PAX2: variants seen among roughly 807,000 people sequenced by gnomAD.
PAX2 encodes paired box protein Pax-2.
Under a neutral mutation model 41.7 loss-of-function variants are expected in PAX2, and 9 were observed. That is an observed-to-expected ratio of 0.22 (90% CI 0.13 to 0.38). The LOEUF is 0.38. Among genes scored for constraint, PAX2 ranks in the 10% least tolerant of loss-of-function variants. The probability of loss-of-function intolerance (pLI) is 1.00; values close to 1 mark genes in which losing one functional copy is unlikely to be tolerated. For synonymous variants in PAX2, 221 were observed against 212.7 expected, an observed-to-expected ratio of 1.04 and a Z score of -0.34; for missense variants, 418 against 531.6, an observed-to-expected ratio of 0.79 and a Z score of 2.10.
intron 5 of PAX2, among the ~76,000 whole-genome samples, chr10:100,785,679 C>A (rs978070557): frequency 2.6e-5 from 4 of 152,260 alleles, no homozygotes; most frequent in South Asian, 4.2e-4. Flanking sequence ...GGGATTAAGC[C>A]GTGGAAATGA....
Position 100,806,451 on chromosome 10 carries a change from C to T in PAX2, c.638C>T (p.Pro213Leu), listed in dbSNP as rs773878788. 2 of 1,614,124 alleles carry T rather than the reference C, an allele frequency of 1.2e-6. No individual in the cohort carries two copies. The highest frequency in any genetic ancestry group is 1.1e-5 in the South Asian group (1 of 91,092). Reference protein sequence around the residue: ...RDEDVSEGSVPNGDSQSGVDS... With the variant: ...RDEDVSEGSVLNGDSQSGVDS... Reference sequence around the variant, plus strand: ...CCAGATGTGTCTGAGGGCTCAGTCCCCAATGGAGATTCCCAGAGTGGTGTG... The same window carrying T: ...CCAGATGTGTCTGAGGGCTCAGTCCTCAATGGAGATTCCCAGAGTGGTGTG... The change falls in exon 6 of 10, where the codon CCC becomes CTC. Residue 213 changes from proline to leucine, a missense_variant. This residue lies in a region of PAX2 where 310 missense variants were observed against 325.2 expected (regional missense o/e 0.95). Transcript: ENST00000355243.
chr10:100,764,691 T>C (rs1325430975), intron 3 of PAX2, among the ~76,000 whole-genome samples: 2 of 152,172 alleles, frequency 1.3e-5, no homozygotes, highest in Non-Finnish European at 2.9e-5. Flanking sequence ...TGTGTGTGTG[T>C]GTGTGTGTAC....
intron 5 of PAX2, among the ~76,000 whole-genome samples, chr10:100,798,278 G>A (rs541002803): frequency 3.0e-4 from 45 of 151,868 alleles, no homozygotes; most frequent in African/African-American, 1.0e-3. Context: ...ACCACACCCA[G>A]CTAATTTTTA....
intron 5 of PAX2, among the ~76,000 whole-genome samples, chr10:100,804,573 C>T (rs963454151): frequency 6.6e-6 from 1 of 152,142 alleles, no homozygotes; most frequent in Admixed American, 6.5e-5. Context: ...GATGATGGCA[C>T]ATCCTGAAAA....
chr10:100,757,697 T>C (rs1317892031), intron 3 of PAX2, among the ~76,000 whole-genome samples: 1 of 152,196 alleles, frequency 6.6e-6, no homozygotes, highest in Non-Finnish European at 1.5e-5. Context: ...TGCAAGTCTT[T>C]CCTCAATCAT....
chr10:100,825,084 C>G (rs1848504101), intron 8 of PAX2: 1 of 947,568 alleles, frequency 1.1e-6, no homozygotes, highest in Non-Finnish European at 1.7e-6. Flanking sequence ...CCCCAGCCAG[C>G]TGACACTGCT....
upstream of PAX2, among the ~76,000 whole-genome samples, chr10:100,740,772 C>T (rs1026178880): frequency 1.7e-5 from 1 of 57,534 alleles, no homozygotes; most frequent in Non-Finnish European, 3.7e-5. Context: ...GTGAGTGGCC[C>T]CTTTAGGAGG....
chr10:100,789,728 C>T (rs1291830432), intron 5 of PAX2, among the ~76,000 whole-genome samples: 6 of 152,240 alleles, frequency 3.9e-5, no homozygotes, highest in Admixed American at 1.3e-4. Context: ...TATGAACACA[C>T]ATTCATTGCT....
chr10:100,781,909 C>T (rs1174836195), intron 5 of PAX2, among the ~76,000 whole-genome samples: 1 of 152,188 alleles, frequency 6.6e-6, no homozygotes, highest in Non-Finnish European at 1.5e-5. Flanking sequence ...GGCCCTCTCC[C>T]TCACCTCCCT....
upstream of PAX2, among the ~76,000 whole-genome samples, chr10:100,743,396 G>T (rs1163188952): frequency 6.6e-6 from 1 of 151,236 alleles, no homozygotes; most frequent in Non-Finnish European, 1.5e-5. Context: ...ATGTCTAGCT[G>T]GTTCTAGAAA....
intron 3 of PAX2, among the ~76,000 whole-genome samples, chr10:100,764,680 C>T (rs770394940): frequency 4.0e-5 from 6 of 150,238 alleles, no homozygotes; most frequent in Non-Finnish European, 3.0e-5. Context: ...GACCTTGTGG[C>T]TGTGTGTGTG....
At chr10:100,742,843 CTTTTTTTTTTTTTTTTTTTTTTTTTT>C (rs61627823), upstream of PAX2, among the ~76,000 whole-genome samples, 5 of 41,206 alleles carry the variant, frequency 1.2e-4, no homozygotes, top group African/African-American at 3.0e-4. Flanking sequence ...TTCTTTCTTC[CTTTTTTTTTTTTTTTTTTTTTTTTTT>C]TTTTTTTTTT....
At chr10:100,740,075 G>A (rs1364482462) in intron 1 of PAX2, among the ~76,000 whole-genome samples, 1 of 152,152 alleles carries the variant, frequency 6.6e-6, no homozygotes, top group Non-Finnish European at 1.5e-5. Flanking sequence ...TCTCCCCACC[G>A]TCTCCTGTCC....
At chr10:100,803,587 C>G (rs907183443) in intron 5 of PAX2, among the ~76,000 whole-genome samples, 1 of 152,140 alleles carries the variant, frequency 6.6e-6, no homozygotes, top group Admixed American at 6.5e-5. Flanking sequence ...CCATAAGTTT[C>G]TTTGTGCTCC....
rs1272832931 is a variant in PAX2, at chr10:100,791,342, G to GTGTGTGTGCATGTGTA, written c.616+9985_616+10000dup. 1.6e-4 allele frequency among the ~76,000 whole-genome samples: 25 copies of GTGTGTGTGCATGTGTA among 152,176 alleles called. No individual in the cohort carries two copies. The highest frequency in any genetic ancestry group is 2.2e-4 in the Non-Finnish European group (15 of 68,030). On this transcript the variant is annotated intron_variant, in intron 5 of 9. Coordinates refer to ENST00000355243, the MANE Select transcript of PAX2 (RefSeq NM_000278.5). This position sits in a 1 kb window ranked among gnomAD's most constrained non-coding sequence, Gnocchi z 4.5. Reference sequence around the variant, plus strand: ...ACCTTTTTCAGGAGGACTGGCTAGAGTGTGTGTGCATGTGTATGTGTGTAC... The same window carrying GTGTGTGTGCATGTGTA: ...ACCTTTTTCAGGAGGACTGGCTAGAGTGTGTGTGCATGTGTATGTGTGTGCATGTGTATGTGTGTAC...
At chr10:100,788,690 G>A (rs1462438811) in intron 5 of PAX2, among the ~76,000 whole-genome samples, 1 of 152,194 alleles carries the variant, frequency 6.6e-6, no homozygotes, top group Non-Finnish European at 1.5e-5. Context: ...GAAGAGCTTG[G>A]AGAAGTTTTG....
In PAX2 at chr10:100,750,178, G is replaced by T. The variant is rs916621305; in HGVS notation, c.212+264G>T. ...GCAGCCCGTTTCTGGCTTCAGAAAG[G>T]GAAGGATGACTTTCCTAATGGAGTT... is the stretch of plus-strand genomic sequence containing the variant. On this transcript the variant is annotated intron_variant, in intron 2 of 9. Transcript: ENST00000355243. The surrounding 1 kb of genome is among the most constrained non-coding windows in gnomAD (Gnocchi z 4.1). Among the ~76,000 whole-genome samples the T allele has an allele frequency of 6.6e-6, 1 of 152,108 alleles. No individual in the cohort carries two copies. The highest frequency in any genetic ancestry group is 2.4e-5 in the African/African-American group (1 of 41,406).
chr10:100,758,761 G>A (rs1307397381), intron 3 of PAX2, among the ~76,000 whole-genome samples: 2 of 150,314 alleles, frequency 1.3e-5, no homozygotes, highest in African/African-American at 5.0e-5. Context: ...CCATCCATTG[G>A]CCAGCATTCA....
intron 5 of PAX2, among the ~76,000 whole-genome samples, chr10:100,789,081 G>A (rs972923848): frequency 1.3e-5 from 2 of 152,014 alleles, no homozygotes; most frequent in African/African-American, 4.8e-5. Context: ...TGTTGGTAGG[G>A]GGCAGCTGAG....
Sources: allele counts gnomAD v4.1 joint callset (sites outside exome capture counted in the v4.1 genomes callset), GRCh38; gene constraint gnomAD v4.1.1; regional missense constraint gnomAD v4.1.1; non-coding constraint Gnocchi (gnomAD v3.1); transcripts MANE v1.5; gene names NCBI Gene and HGNC (gene_info 2026-07-23, HGNC 2026-07-21).